The following COL6A3 variants were observed in gnomAD, a reference collection of about 807,000 sequenced individuals.
COL6A3 encodes collagen type VI alpha 3 chain, also known as collagen alpha-3(VI) chain.
In COL6A3, 137 loss-of-function variants were observed where a neutral mutation model predicts 274.1. That is an observed-to-expected ratio of 0.50 (90% CI 0.44 to 0.58). COL6A3 has a LOEUF of 0.58. COL6A3 is among the 20% of genes least tolerant of loss of function. The pLI, the probability that COL6A3 is intolerant of heterozygous loss-of-function variation, is 0.00. For synonymous variants in COL6A3, 1,650 were observed against 1,650.6 expected, an observed-to-expected ratio of 1.00 and a Z score of 0.01; for missense variants, 3,950 against 4,124.9, an observed-to-expected ratio of 0.96 and a Z score of 1.16.
intron 1 of COL6A3, among the ~76,000 whole-genome samples, chr2:237,400,377 C>T (rs1166516621): frequency 6.6e-6 from 1 of 151,800 alleles, no homozygotes; most frequent in Non-Finnish European, 1.5e-5. Context: ...CTGAAGAAAG[C>T]AAGGGGAAAT....
At chr2:237,372,395 A>C in intron 8 of COL6A3, 58 bp from the exon 9 acceptor site, 1 of 1,599,660 alleles carries the variant, frequency 6.3e-7, no homozygotes, top group Non-Finnish European at 8.5e-7. Flanking sequence ...CTTAGCGTTC[A>C]TGAGCCACCG....
chr2:237,349,449 AT>A (rs1266335656), intron 28 of COL6A3, among the ~76,000 whole-genome samples: 1 of 152,218 alleles, frequency 6.6e-6, no homozygotes, highest in Non-Finnish European at 1.5e-5. Flanking sequence ...ATACAAACAG[AT>A]TCGTTTTTAA....
chr2:237,337,989 T>C (rs1700637764), intron 39 of COL6A3, among the ~76,000 whole-genome samples: 1 of 152,268 alleles, frequency 6.6e-6, no homozygotes, highest in African/African-American at 2.4e-5. Context: ...TTTTTTGATG[T>C]ATCCAATCCT....
intron 6 of COL6A3, among the ~76,000 whole-genome samples, chr2:237,377,827 C>CA (rs1171713427): frequency 5.3e-5 from 8 of 152,148 alleles, no homozygotes; most frequent in African/African-American, 1.9e-4. Context: ...ATTGAATGAT[C>CA]AAATCATTAA....
chr2:237,354,655 T>A (rs933524434), intron 24 of COL6A3, among the ~76,000 whole-genome samples: 2 of 152,180 alleles, frequency 1.3e-5, no homozygotes, highest in Non-Finnish European at 2.9e-5. Flanking sequence ...TTGATTGATG[T>A]CTCATGTCTC....
At chr2:237,382,949 G>A (rs999697006) in intron 4 of COL6A3, among the ~76,000 whole-genome samples, 12 of 152,154 alleles carry the variant, frequency 7.9e-5, no homozygotes, top group South Asian at 2.1e-4. Flanking sequence ...GACCACGCCC[G>A]GCTAATTTTT....
intron 24 of COL6A3, among the ~76,000 whole-genome samples, chr2:237,353,700 C>A (rs561936756): frequency 6.6e-6 from 1 of 152,098 alleles, no homozygotes; most frequent in African/African-American, 2.4e-5. Flanking sequence ...CGGGAAGTTG[C>A]GGGTTGCTGA....
chr2:237,381,723 T>G (rs141953960), intron 4 of COL6A3, among the ~76,000 whole-genome samples: 1 of 152,232 alleles, frequency 6.6e-6, no homozygotes, highest in Non-Finnish European at 1.5e-5. Context: ...GCCCAGTCAG[T>G]ACTTTTTACA....
chr2:237,370,659 C>T (rs1045824093), intron 9 of COL6A3, among the ~76,000 whole-genome samples: 7 of 152,226 alleles, frequency 4.6e-5, no homozygotes, highest in African/African-American at 1.7e-4. Context: ...TGTTGCTACT[C>T]CACACATTTC....
intron 3 of COL6A3, among the ~76,000 whole-genome samples, chr2:237,388,676 CAG>C (rs1199791642): frequency 1.3e-5 from 2 of 152,206 alleles, no homozygotes; most frequent in Non-Finnish European, 2.9e-5. Flanking sequence ...AGCTACAAAA[CAG>C]AGTCACGATT....
intron 31 of COL6A3, 131 bp from the exon 32 acceptor site, chr2:237,346,696 A>T: frequency 7.5e-6 from 6 of 795,138 alleles, no homozygotes; most frequent in Non-Finnish European, 1.3e-5. Context: ...CTCTCACTTT[A>T]AGGGAGCTAA....
chr2:237,358,191 T>G (rs1320450371), intron 21 of COL6A3, among the ~76,000 whole-genome samples: 1 of 152,236 alleles, frequency 6.6e-6, no homozygotes. Flanking sequence ...TAGCTTGTAC[T>G]GCTCATTTGC....
intron 26 of COL6A3, among the ~76,000 whole-genome samples, chr2:237,352,319 C>G (rs1262907048): frequency 6.6e-6 from 1 of 152,042 alleles, no homozygotes; most frequent in Non-Finnish European, 1.5e-5. Flanking sequence ...CCATGGAGCA[C>G]CAAAAAAGGA....
chr2:237,353,076 T>C (rs1260050488), intron 25 of COL6A3, among the ~76,000 whole-genome samples: 2 of 152,082 alleles, frequency 1.3e-5, no homozygotes. Flanking sequence ...AGTGGGCAAA[T>C]CCATAAAGAG....
Position 237,364,415 on chromosome 2 carries a change from A to C in COL6A3, c.5852T>G (p.Phe1951Cys). The C allele has an allele frequency of 1.2e-6, 2 of 1,613,806 alleles. No homozygotes were observed. Among genetic ancestry groups the C allele is most frequent in the Non-Finnish European group, 1.7e-6 (2 of 1,179,748 alleles). The change falls in exon 13 of 44, where the codon TTT becomes TGT. Residue 1951 changes from phenylalanine to cysteine, a missense_variant. Phe to Cys is a radical substitution (Grantham distance 205). This residue lies in a region of COL6A3 where 632 missense variants were observed against 623.4 expected (regional missense o/e 1.01). Transcript: ENST00000295550. This position sits in a 1 kb window ranked among gnomAD's most constrained non-coding sequence, Gnocchi z 4.6. ...CAGATCTCCGTCTGCTCCATCAGTA[A>C]AATGAATGACCACCTGCAGATAAGA... is the stretch of plus-strand genomic sequence containing the variant. ...SPDSVKVVIH[F>C]TDGADGDLAD...
intron 36 of COL6A3, chr2:237,343,718 ACC>A: frequency 6.2e-6 from 1 of 160,184 alleles, no homozygotes; most frequent in South Asian, 1.8e-4. Context: ...AGTTTTGGGG[ACC>A]TCACTGAGAG....
At chr2:237,373,046 T>C (rs2077734144) in intron 8 of COL6A3, among the ~76,000 whole-genome samples, 1 of 152,098 alleles carries the variant, frequency 6.6e-6, no homozygotes, top group Admixed American at 6.5e-5. Flanking sequence ...TGCATTTTCT[T>C]GGAGAAATAG....
At chr2:237,360,546 G>A (rs1433022859) in intron 16 of COL6A3, among the ~76,000 whole-genome samples, 1 of 152,120 alleles carries the variant, frequency 6.6e-6, no homozygotes, top group South Asian at 2.1e-4. Flanking sequence ...CTGGGCCCTG[G>A]TGACCACACT....
chr2:237,400,042 G>T (rs2078551158), intron 1 of COL6A3, among the ~76,000 whole-genome samples: 1 of 152,168 alleles, frequency 6.6e-6, no homozygotes, highest in South Asian at 2.1e-4. Context: ...AGAATTATTT[G>T]ATATTGGAAA....
Sources: allele counts gnomAD v4.1 joint callset (sites outside exome capture counted in the v4.1 genomes callset), GRCh38; gene constraint gnomAD v4.1.1; regional missense constraint gnomAD v4.1.1; non-coding constraint Gnocchi (gnomAD v3.1); transcripts MANE v1.5; gene names NCBI Gene and HGNC (gene_info 2026-07-23, HGNC 2026-07-21).